The following ATP13A5 variants were observed in gnomAD, a reference collection of about 807,000 sequenced individuals.
ATP13A5 encodes probable cation-transporting ATPase 13A5.
Under a neutral mutation model 150.2 loss-of-function variants are expected in ATP13A5, and 149 were observed. The observed-to-expected ratio is 0.99, with a 90% CI of 0.87 to 1.14. The LOEUF (loss-of-function observed/expected upper bound fraction) is 1.14, where lower values mean the gene tolerates loss of function less well. ATP13A5 is among the 50% of genes most tolerant of loss of function. The probability of loss-of-function intolerance (pLI) is 0.00; values close to 1 mark genes in which losing one functional copy is unlikely to be tolerated. For synonymous variants in ATP13A5, 497 were observed against 522.2 expected (o/e 0.95, Z 0.66); for missense variants, 1,383 against 1,449.3 (o/e 0.95, Z 0.74).
intron 9 of ATP13A5, 94 bp from the exon 10 acceptor site, chr3:193,335,193 C>G: frequency 8.6e-7 from 1 of 1,162,046 alleles, no homozygotes; most frequent in Admixed American, 1.9e-5. Context: ...CAAACCACAA[C>G]TAATCCGGTC....
intron 9 of ATP13A5, among the ~76,000 whole-genome samples, chr3:193,340,413 G>C (rs1712071701): frequency 1.3e-5 from 2 of 152,256 alleles, no homozygotes; most frequent in Non-Finnish European, 2.9e-5. Context: ...GGGAGAAGGA[G>C]GATGATAAAA....
chr3:193,330,701 T>A (rs951870427), intron 12 of ATP13A5, among the ~76,000 whole-genome samples: 2 of 152,128 alleles, frequency 1.3e-5, no homozygotes, highest in South Asian at 4.1e-4. Context: ...CAGGACAGGG[T>A]CATTGTTTCC....
At chr3:193,310,458 T>G (rs1718797798) in intron 21 of ATP13A5, among the ~76,000 whole-genome samples, 180 bp downstream of exon 21, 1 of 152,218 alleles carries the variant, frequency 6.6e-6, no homozygotes, top group Non-Finnish European at 1.5e-5. Context: ...CTTTCTACAA[T>G]GGCTGAACTA....
intron 22 of ATP13A5, among the ~76,000 whole-genome samples, chr3:193,306,898 T>C (rs1718639521): frequency 6.6e-6 from 1 of 152,216 alleles, no homozygotes; most frequent in African/African-American, 2.4e-5. Flanking sequence ...GGAATAAATA[T>C]AATTTACATA....
At position 193,354,167 on chromosome 3, in the gene ATP13A5, T is replaced by C; in HGVS notation, c.566A>G (p.Glu189Gly). Residue 189 changes from glutamate to glycine, a missense_variant, in exon 6 of 30, where the codon GAG becomes GGG. Glu to Gly is a moderately conservative substitution (Grantham distance 98, BLOSUM62 -2). Around this residue, in one of 3 missense-constraint regions of ATP13A5, gnomAD observed 787 missense variants for 771.9 expected, o/e 1.02. Coordinates refer to ENST00000342358, the MANE Select transcript of ATP13A5 (RefSeq NM_198505.4). ...RRLVCGPNAI[E>G]VEIQPIWKLL... The stretch of plus-strand genomic sequence containing the variant: ...CTTCCATATGGGTTGGATTTCAACC[T>C]CAATGGCGTTGGGCCCACACACTAA... 2 of 1,612,412 alleles carry C rather than the reference T, an allele frequency of 1.2e-6. No individual in the cohort carries two copies. Among genetic ancestry groups the C allele is most frequent in the Non-Finnish European group, 1.7e-6 (2 of 1,179,568 alleles).
intron 1 of ATP13A5, among the ~76,000 whole-genome samples, chr3:193,372,566 A>C (rs1382929196): frequency 1.7e-5 from 2 of 117,262 alleles, no homozygotes; most frequent in Non-Finnish European, 3.5e-5. Context: ...TTCCTAAAAA[A>C]ATACAGATTA....
intron 5 of ATP13A5, among the ~76,000 whole-genome samples, chr3:193,357,248 A>C (rs2108896311): frequency 6.6e-6 from 1 of 152,330 alleles, no homozygotes; most frequent in South Asian, 2.1e-4. Context: ...AAAGCAGTTT[A>C]GAAAGCAAGC....
chr3:193,303,246 C>A (rs1661810917), intron 23 of ATP13A5, among the ~76,000 whole-genome samples: 1 of 152,138 alleles, frequency 6.6e-6, no homozygotes, highest in Non-Finnish European at 1.5e-5. Context: ...ATTTTCCCCA[C>A]CTGGAATTCC....
At chr3:193,353,379 A>C (rs758038397) in intron 6 of ATP13A5, among the ~76,000 whole-genome samples, 1 of 152,180 alleles carries the variant, frequency 6.6e-6, no homozygotes, top group African/African-American at 2.4e-5. Flanking sequence ...AAAATAAAAC[A>C]CTAACAAAGG....
chr3:193,341,167 C>G (rs112543024), intron 9 of ATP13A5, among the ~76,000 whole-genome samples: 4 of 129,898 alleles, frequency 3.1e-5, no homozygotes, highest in East Asian at 5.5e-4. Context: ...AACATATTCC[C>G]CCCCCCTCCC....
In ATP13A5 at chr3:193,363,349, A is replaced by G. The variant is rs1359018156; in HGVS notation, c.271T>C (p.Phe91Leu). The change falls in exon 3 of 30, where the codon TTC becomes CTC. Residue 91 changes from phenylalanine (F) to leucine (L), a missense_variant. By Grantham distance (22) the Phe-to-Leu change is conservative (BLOSUM62 0). Coordinates refer to ENST00000342358, the MANE Select transcript of ATP13A5 (RefSeq NM_198505.4). ...EFQRYMRKKV[F>L]CLYLSTLKFP... ...TTCAGTGTGGATAAGTAGAGGCAGA[A>G]TACCTTCTTCCTCATATATCTTTGA... 1 of 1,613,258 alleles carries G rather than the reference A, an allele frequency of 6.2e-7. No homozygotes were observed. Among genetic ancestry groups the G allele is most frequent in the East Asian group, 2.2e-5 (1 of 44,854 alleles).
intron 22 of ATP13A5, among the ~76,000 whole-genome samples, chr3:193,306,173 C>T (rs775188390): frequency 4.0e-5 from 6 of 150,244 alleles, no homozygotes; most frequent in South Asian, 2.2e-4. Context: ...GAGTACCTGG[C>T]GCCATGAGTA....
intron 18 of ATP13A5, 83 bp from the exon 19 acceptor site, chr3:193,314,276 C>T (rs1718964929): frequency 6.9e-7 from 1 of 1,448,442 alleles, no homozygotes; most frequent in East Asian, 2.3e-5. Context: ...TTCCACTCTG[C>T]TTGGTGTTCT....
At chr3:193,319,539 TC>T (rs2108860372) in intron 16 of ATP13A5, among the ~76,000 whole-genome samples, 1 of 152,290 alleles carries the variant, frequency 6.6e-6, no homozygotes, top group South Asian at 2.1e-4. Context: ...GAAAGCCCTC[TC>T]CGGGAACCAC....
chr3:193,351,115 G>T lies in ATP13A5; in HGVS notation c.693C>A (p.Ile231=). ...QGYIEYSVAI[I]ILTVISIVLS... is the part of the protein sequence containing the mutation. ...AGACAATGGAGATAACAGTCAAAAT[G>T]ATGATGGCCACAGAGTATTCTATGT... The change falls in exon 7 of 30, where the codon ATC becomes ATA. Residue 231 remains isoleucine, a synonymous_variant. Transcript: ENST00000342358. 5 of 1,613,784 alleles carry T rather than the reference G, an allele frequency of 3.1e-6. No homozygotes were observed. Among genetic ancestry groups the T allele is most frequent in the Non-Finnish European group, 4.2e-6 (5 of 1,179,754 alleles).
chr3:193,285,031 C>A lies in ATP13A5; in HGVS notation c.3109G>T (p.Gly1037Cys). Residue 1037 changes from glycine to cysteine, a missense_variant, in exon 27 of 30, where the codon GGT (glycine) becomes TGT (cysteine). Transcript: ENST00000342358. ...GTGGTCTCAAAACTTAAAATTGAAC[C>A]AGGAATCAGAGTTGCATTTCCAGTC... ...NWTGNATLIP[G>C]SILSFETTTL... 1.2e-6 allele frequency: 2 copies of A among 1,614,014 alleles called. No individual in the cohort carries two copies. Among genetic ancestry groups the A allele is most frequent in the Non-Finnish European group, 1.7e-6 (2 of 1,179,966 alleles).
intron 6 of ATP13A5, 77 bp downstream of exon 6, chr3:193,354,050 A>T (rs1712679033): frequency 1.7e-6 from 2 of 1,184,738 alleles, no homozygotes; most frequent in Non-Finnish European, 2.4e-6. Context: ...CAAAGTATTT[A>T]TGTGTTCCTT....
chr3:193,280,994 A>G (rs1483722215), intron 27 of ATP13A5, among the ~76,000 whole-genome samples: 5 of 152,166 alleles, frequency 3.3e-5, no homozygotes. Flanking sequence ...ATCCTTGAGC[A>G]CCTACACACA....
intron 25 of ATP13A5, 65 bp downstream of exon 25, chr3:193,299,066 G>A (rs1437794395): frequency 1.2e-5 from 17 of 1,368,690 alleles, no homozygotes; most frequent in Non-Finnish European, 1.7e-5. Context: ...TCCTTTTTGT[G>A]TGACTGTTTC....
Sources: gnomAD v4.1 joint callset for allele counts (sites outside exome capture counted in the v4.1 genomes callset) on GRCh38, gnomAD v4.1.1 for gene constraint, gnomAD v4.1.1 regional missense constraint, MANE v1.5 for transcripts, NCBI Gene and HGNC (gene_info 2026-07-23, HGNC 2026-07-21) for gene names.